BBS9: variants seen among roughly 807,000 people sequenced by gnomAD.
BBS9 encodes the protein Bardet-Biedl syndrome 9.
A neutral mutation model predicts 117.7 loss-of-function variants in BBS9; 89 were observed. The ratio of observed to expected loss-of-function variants is 0.76; its 90% CI spans 0.64 to 0.90. The LOEUF is 0.90. Ranked by LOEUF, BBS9 falls within the 40% of genes least tolerant of loss-of-function variation. The pLI, the probability that BBS9 is intolerant of heterozygous loss-of-function variation, is 0.00. For synonymous variants in BBS9, 379 were observed against 370.9 expected (o/e 1.02, Z -0.25); for missense variants, 982 against 1,042.2 (o/e 0.94, Z 0.80).
At chr7:33,274,910 G>T (rs2128350084) in intron 9 of BBS9, among the ~76,000 whole-genome samples, 1 of 148,940 alleles carries the variant, frequency 6.7e-6, no homozygotes, top group East Asian at 2.0e-4. Flanking sequence ...CAGGAGAATT[G>T]CTTGAACCCA....
At chr7:33,494,334 GCT>G (rs1844430131) in intron 19 of BBS9, among the ~76,000 whole-genome samples, 1 of 152,150 alleles carries the variant, frequency 6.6e-6, no homozygotes, top group Non-Finnish European at 1.5e-5. Context: ...GAGAAACCCT[GCT>G]CTAGAGTGCA....
chr7:33,139,111 G>A (rs182796246), intron 1 of BBS9, among the ~76,000 whole-genome samples: 61 of 151,154 alleles, frequency 4.0e-4, no homozygotes, highest in African/African-American at 1.4e-3. Flanking sequence ...AATTAGCTGG[G>A]CGTGGTGGCG....
At chr7:33,278,091 T>TTAGAGGC (rs1210455910) in intron 9 of BBS9, among the ~76,000 whole-genome samples, 1 of 152,180 alleles carries the variant, frequency 6.6e-6, no homozygotes, top group African/African-American at 2.4e-5. Context: ...AGCTTGAAGG[T>TTAGAGGC]TAGAGGCTAG....
At chr7:33,383,634 C>T (rs1189981948) in intron 17 of BBS9, 32 bp from the exon 18 acceptor site, 1 of 1,567,494 alleles carries the variant, frequency 6.4e-7, no homozygotes, top group Admixed American at 1.8e-5. Context: ...TTCTGTGTTA[C>T]TAAGCATTTT....
intron 21 of BBS9, among the ~76,000 whole-genome samples, chr7:33,583,615 C>T (rs1264135880): frequency 1.3e-5 from 2 of 152,022 alleles, no homozygotes; most frequent in Non-Finnish European, 2.9e-5. Flanking sequence ...ATAAAGACGC[C>T]AAAACATGTG....
intron 19 of BBS9, among the ~76,000 whole-genome samples, chr7:33,478,367 A>G (rs1186677805): frequency 2.0e-5 from 3 of 152,160 alleles, no homozygotes; most frequent in Non-Finnish European, 2.9e-5. Flanking sequence ...GGAACATGCC[A>G]ATATATGTAA....
At chr7:33,344,308 A>G (rs1817187235) in intron 11 of BBS9, among the ~76,000 whole-genome samples, 1 of 150,752 alleles carries the variant, frequency 6.6e-6, no homozygotes, top group Non-Finnish European at 1.5e-5. Flanking sequence ...TGACCTCATA[A>G]TCCACCCACC....
chr7:33,161,740 G>C (rs1794881963), intron 4 of BBS9, among the ~76,000 whole-genome samples: 1 of 152,208 alleles, frequency 6.6e-6, no homozygotes, highest in Non-Finnish European at 1.5e-5. Flanking sequence ...CCCACCAACA[G>C]TGTGAAAGCA....
rs61756571 is a variant in BBS9, at chr7:33,336,435, T to C, written c.1017-6T>C. On this transcript the variant is annotated splice_polypyrimidine_tract_variant and splice_region_variant and intron_variant, in intron 9 of 22. Coordinates refer to ENST00000242067, the MANE Select transcript of BBS9 (RefSeq NM_198428.3). ...ATTATGTCTCATTTTCTCTTCCTTA[T>C]TGTAGTGATTTAAAGGGAGTGATAG... The C allele has an allele frequency of 0.045, 71,710 of 1,610,002 alleles. 1,895 individuals carry two copies. Among genetic ancestry groups the C allele is most frequent in the Non-Finnish European group, 0.05 (58,886 of 1,176,552 alleles).
intron 19 of BBS9, among the ~76,000 whole-genome samples, chr7:33,504,120 ATG>A (rs1254025327): frequency 6.6e-6 from 1 of 152,154 alleles, no homozygotes; most frequent in African/African-American, 2.4e-5. Flanking sequence ...GTTCTTTTGA[ATG>A]TAATTGGGGA....
intron 9 of BBS9, among the ~76,000 whole-genome samples, chr7:33,290,103 C>T (rs887781308): frequency 2.0e-5 from 3 of 151,768 alleles, no homozygotes; most frequent in East Asian, 1.9e-4. Flanking sequence ...ATCTACAGTT[C>T]GCATTTAGGA....
At chr7:33,332,154 C>G (rs903205335) in intron 9 of BBS9, among the ~76,000 whole-genome samples, 1 of 148,372 alleles carries the variant, frequency 6.7e-6, no homozygotes, top group Non-Finnish European at 1.5e-5. Context: ...AGCCAGACTT[C>G]GAGCGAACTG....
intron 5 of BBS9, among the ~76,000 whole-genome samples, chr7:33,183,064 G>A (rs895085712): frequency 3.3e-5 from 5 of 152,130 alleles, no homozygotes; most frequent in Non-Finnish European, 7.3e-5. Flanking sequence ...CCCCAAAAGT[G>A]TATTTCCTAC....
chr7:33,303,280 G>T (rs762182816), intron 9 of BBS9, among the ~76,000 whole-genome samples: 5 of 152,122 alleles, frequency 3.3e-5, no homozygotes, highest in Non-Finnish European at 7.4e-5. Flanking sequence ...AATTGATCTA[G>T]ATAGGACTTT....
At chr7:33,300,323 G>A (rs569838819) in intron 9 of BBS9, among the ~76,000 whole-genome samples, 51 of 152,296 alleles carry the variant, frequency 3.3e-4, no homozygotes, top group African/African-American at 1.2e-3. Context: ...GCAGTGGTCA[G>A]CTTCTGGCAT....
rs1211419811 is a variant in BBS9, at chr7:33,619,156, A to G, written c.2522-16021A>G. On this transcript the variant is annotated intron_variant, in intron 21 of 21. Coordinates refer to the BBS9 transcript ENST00000671952. Reference sequence around the variant, plus strand: ...ACATAGCCTGAAAATGAAGGAATGAAAAAAGATATTTCATGAAAACTGTAG... The same window carrying G: ...ACATAGCCTGAAAATGAAGGAATGAGAAAAGATATTTCATGAAAACTGTAG... Among the ~76,000 whole-genome samples, 9 of 152,148 alleles carry G rather than the reference A, an allele frequency of 5.9e-5. No individual in the cohort carries two copies. The South Asian group carries it at 1.7e-3, about 28-fold the overall frequency.
intron 21 of BBS9, among the ~76,000 whole-genome samples, chr7:33,590,528 T>C (rs1348382500): frequency 4.0e-5 from 6 of 150,524 alleles, no homozygotes; most frequent in Non-Finnish European, 8.9e-5. Flanking sequence ...AACCCAACTA[T>C]TGGTGTTCCT....
intron 9 of BBS9, among the ~76,000 whole-genome samples, chr7:33,284,105 A>G (rs1007553325): frequency 1.3e-5 from 2 of 152,148 alleles, no homozygotes; most frequent in Non-Finnish European, 2.9e-5. Context: ...TATCCCATGC[A>G]TGTCCTTAAA....
chr7:33,134,838 T>G (rs1243005070), intron 1 of BBS9, among the ~76,000 whole-genome samples: 10 of 152,084 alleles, frequency 6.6e-5, no homozygotes, highest in Admixed American at 6.5e-4. Flanking sequence ...TTAAGCAGTT[T>G]CCTTGCCTCA....
Sources: allele counts gnomAD v4.1 joint callset (sites outside exome capture counted in the v4.1 genomes callset), GRCh38; gene constraint gnomAD v4.1.1; transcripts MANE v1.5; gene names NCBI Gene and HGNC (gene_info 2026-07-23, HGNC 2026-07-21).